FSHR: variants seen among roughly 807,000 people sequenced by gnomAD.
The protein encoded by FSHR is follicle-stimulating hormone receptor.
A neutral mutation model predicts 52.1 loss-of-function variants in FSHR; 46 were observed. The ratio of observed to expected loss-of-function variants is 0.88; its 90% CI spans 0.70 to 1.13. The LOEUF is 1.13. Among genes scored for constraint, FSHR ranks in the 50% most tolerant of loss-of-function variants. The pLI is 0.00. For synonymous variants in FSHR, 399 were observed against 309.6 expected (o/e 1.29, Z -3.03); for missense variants, 964 against 834.6 (o/e 1.16, Z -1.91).
At chr2:49,096,316 A>G in intron 1 of FSHR, among the ~76,000 whole-genome samples, 1 of 152,238 alleles carries the variant, frequency 6.6e-6, no homozygotes, top group East Asian at 1.9e-4. Context: ...TATAACATAG[A>G]TGAAACTTGA....
intron 6 of FSHR, 129 bp from the exon 7 acceptor site, chr2:48,983,295 G>T: frequency 1.3e-6 from 1 of 785,124 alleles, no homozygotes; most frequent in Non-Finnish European, 2.2e-6. Context: ...CACTTTTAAA[G>T]CTTGGGGACA....
intron 4 of FSHR, among the ~76,000 whole-genome samples, chr2:49,012,134 G>A (rs1667299316): frequency 6.6e-6 from 1 of 152,080 alleles, no homozygotes; most frequent in African/African-American, 2.4e-5. Context: ...CTGTGTGAAA[G>A]GTTTGCTAAA....
chr2:49,135,101 A>G (rs1672438926), intron 1 of FSHR, among the ~76,000 whole-genome samples: 1 of 152,188 alleles, frequency 6.6e-6, no homozygotes, highest in Non-Finnish European at 1.5e-5. Context: ...GAGCAATGTT[A>G]TAAATCAACT....
rs1444566790 is a variant in FSHR at position 48,963,859 on chromosome 2, C to G, written c.962G>C (p.Ser321Thr). 3.7e-6 allele frequency: 6 copies of G among 1,614,132 alleles called. No individual in the cohort carries two copies. Among genetic ancestry groups the G allele is most frequent in the Non-Finnish European group, 5.1e-6 (6 of 1,180,000 alleles). The change falls in exon 10 of 10, where the codon AGC (serine) becomes ACC (threonine). Residue 321 changes from serine to threonine, a missense_variant. By Grantham distance (58) the Ser-to-Thr change is moderately conservative. Transcript: ENST00000406846. ...RSSLAEDNESSYSRGFDMTYT... is the reference protein window; with the variant it reads ...RSSLAEDNESTYSRGFDMTYT... ...CGTCATGTCAAATCCTCTGCTGTAG[C>G]TGGACTCATTGTCTTCTGCCAGAGA...
chr2:49,092,169 T>C (rs1670637812), intron 1 of FSHR, among the ~76,000 whole-genome samples: 1 of 152,226 alleles, frequency 6.6e-6, no homozygotes, highest in Non-Finnish European at 1.5e-5. Flanking sequence ...GGTTTCTAAT[T>C]GTTCGCTGCT....
At chr2:48,964,548 C>T (rs1279442559) in intron 9 of FSHR, among the ~76,000 whole-genome samples, 1 of 152,168 alleles carries the variant, frequency 6.6e-6, no homozygotes, top group Non-Finnish European at 1.5e-5. Flanking sequence ...CAGGGTCTTT[C>T]CTGTTCTTTA....
intron 1 of FSHR, among the ~76,000 whole-genome samples, chr2:49,085,491 C>T (rs1670345125): frequency 6.6e-6 from 1 of 152,146 alleles, no homozygotes; most frequent in East Asian, 1.9e-4. Context: ...GAAGTTCTGG[C>T]CAGGGCAATT....
intron 2 of FSHR, among the ~76,000 whole-genome samples, chr2:49,020,932 C>T (rs1385164080): frequency 6.6e-6 from 1 of 152,014 alleles, no homozygotes; most frequent in Non-Finnish European, 1.5e-5. Flanking sequence ...ACACTGGGGC[C>T]TGTCAGGGGG....
chr2:49,112,267 A>C (rs1210471957), intron 1 of FSHR, among the ~76,000 whole-genome samples: 2 of 152,202 alleles, frequency 1.3e-5, no homozygotes, highest in Non-Finnish European at 1.5e-5. Context: ...GAAGTTGTGT[A>C]AGGGAAATGC....
At chr2:49,129,078 T>C (rs17038310) in intron 1 of FSHR, among the ~76,000 whole-genome samples, 22,692 of 151,536 alleles carry the variant, frequency 0.15, 1,718 homozygotes, top group Middle Eastern at 0.24. Flanking sequence ...ATGTTTCAAA[T>C]TCATTTAAAA....
At chr2:49,099,726 T>A (rs1236045064) in intron 1 of FSHR, among the ~76,000 whole-genome samples, 1 of 152,010 alleles carries the variant, frequency 6.6e-6, no homozygotes, top group Admixed American at 6.6e-5. Flanking sequence ...GAGTGATGCG[T>A]CTGTAAAACA....
At chr2:49,043,752 G>A (rs749783404) in intron 2 of FSHR, among the ~76,000 whole-genome samples, 16 of 152,182 alleles carry the variant, frequency 1.1e-4, no homozygotes, top group Non-Finnish European at 2.4e-4. Flanking sequence ...TCAGAGCTCA[G>A]TGGGAGCCCA....
intron 9 of FSHR, among the ~76,000 whole-genome samples, chr2:48,967,240 C>T (rs1674517417): frequency 6.6e-6 from 1 of 152,094 alleles, no homozygotes; most frequent in South Asian, 2.1e-4. Context: ...GGACTACAGG[C>T]ATGCGCCACC....
At chr2:49,097,078 G>A (rs543713042) in intron 1 of FSHR, among the ~76,000 whole-genome samples, 37 of 152,134 alleles carry the variant, frequency 2.4e-4, no homozygotes, top group Admixed American at 9.2e-4. Flanking sequence ...TTGCTTTATA[G>A]CAATGCAAGA....
At chr2:49,068,616 C>G (rs1669604213) in intron 1 of FSHR, among the ~76,000 whole-genome samples, 1 of 152,060 alleles carries the variant, frequency 6.6e-6, no homozygotes, top group Non-Finnish European at 1.5e-5. Context: ...CTGTGTGAGG[C>G]CTGTTCTCTT....
At chr2:48,995,598 T>C (rs1354312989) in intron 4 of FSHR, among the ~76,000 whole-genome samples, 2 of 152,066 alleles carry the variant, frequency 1.3e-5, no homozygotes, top group Non-Finnish European at 2.9e-5. Flanking sequence ...AATTCCCCAC[T>C]TATGGGCAAG....
intron 2 of FSHR, among the ~76,000 whole-genome samples, chr2:49,046,252 T>C (rs1668648961): frequency 6.6e-6 from 1 of 152,238 alleles, no homozygotes; most frequent in African/African-American, 2.4e-5. Context: ...ATGATAACTC[T>C]GAATTTGTGT....
chr2:49,127,826 CTT>C (rs1672090747), intron 1 of FSHR, among the ~76,000 whole-genome samples: 1 of 45,776 alleles, frequency 2.2e-5, no homozygotes, highest in Non-Finnish European at 3.9e-5. Flanking sequence ...TCTTCTTCTT[CTT>C]CCTCTTCTTC....
intron 4 of FSHR, among the ~76,000 whole-genome samples, chr2:49,000,507 A>G (rs950807058): frequency 2.0e-5 from 3 of 152,158 alleles, no homozygotes; most frequent in Non-Finnish European, 4.4e-5. Context: ...AGCCAATGTC[A>G]TAGTTGGAGT....
Sources: allele counts gnomAD v4.1 joint callset (sites outside exome capture counted in the v4.1 genomes callset), GRCh38; gene constraint gnomAD v4.1.1; transcripts MANE v1.5; gene names NCBI Gene and HGNC (gene_info 2026-07-23, HGNC 2026-07-21).